Variants in IL1RAPL1 observed in about 807,000 individuals in gnomAD.
IL1RAPL1 encodes interleukin-1 receptor accessory protein-like 1.
Under a neutral mutation model 48.4 loss-of-function variants are expected in IL1RAPL1, and 3 were observed. That is an observed-to-expected ratio of 0.06 (90% CI 0.03 to 0.16). The LOEUF is 0.16. Ranked by LOEUF, IL1RAPL1 falls within the 10% of genes least tolerant of loss-of-function variation. IL1RAPL1 has a pLI of 1.00. For missense variants in IL1RAPL1, 349 were observed against 530.6 expected (o/e 0.66, Z 3.36); for synonymous variants, 185 against 187.7 (o/e 0.99, Z 0.12).
chrX:29,086,687 C>T (rs1405881707), intron 2 of IL1RAPL1, among the ~76,000 whole-genome samples: 1 of 112,085 alleles, frequency 8.9e-6, no homozygotes, highest in Non-Finnish European at 1.9e-5. Flanking sequence ...CACCTATTAA[C>T]AAGCTAATAA....
intron 2 of IL1RAPL1, among the ~76,000 whole-genome samples, chrX:28,805,744 A>G (rs1936723136): frequency 9.0e-6 from 1 of 111,235 alleles, no homozygotes; most frequent in Non-Finnish European, 1.9e-5. Flanking sequence ...TTCAAAAACA[A>G]TAAGAATATA....
chrX:29,593,017 C>T (rs1361883693), intron 5 of IL1RAPL1, among the ~76,000 whole-genome samples: 2 of 112,438 alleles, frequency 1.8e-5, no homozygotes, highest in South Asian at 3.7e-4. Context: ...AGGTGATCCA[C>T]GCTGCTTACA....
At chrX:28,803,696 T>A (rs371471044) in intron 2 of IL1RAPL1, among the ~76,000 whole-genome samples, 6 of 111,842 alleles carry the variant, frequency 5.4e-5, no homozygotes, top group East Asian at 5.6e-4. Context: ...ACAACTGTAC[T>A]TGATTACGTG....
chrX:29,799,040 T>C (rs903905380), intron 6 of IL1RAPL1, among the ~76,000 whole-genome samples: 2 of 112,108 alleles, frequency 1.8e-5, no homozygotes, highest in Non-Finnish European at 3.8e-5. Context: ...AAATTTGAAA[T>C]GTCAGGAAGG....
At chrX:29,947,478 T>C (rs1205664007) in intron 9 of IL1RAPL1, among the ~76,000 whole-genome samples, 4 of 111,371 alleles carry the variant, frequency 3.6e-5, no homozygotes, top group African/African-American at 1.3e-4. Flanking sequence ...TAGTCCTACG[T>C]TGGGAGTTAT....
intron 5 of IL1RAPL1, among the ~76,000 whole-genome samples, chrX:29,468,086 C>G (rs1002526227): frequency 3.2e-4 from 36 of 111,786 alleles, no homozygotes; most frequent in African/African-American, 1.0e-3. Flanking sequence ...GTCTCGAACT[C>G]CTGACCTCAA....
intron 5 of IL1RAPL1, among the ~76,000 whole-genome samples, chrX:29,519,870 C>T (rs1475968597): frequency 1.8e-5 from 2 of 111,697 alleles, no homozygotes; most frequent in East Asian, 2.8e-4. Flanking sequence ...TTCCCGGTTG[C>T]TCACAGCAGT....
intron 6 of IL1RAPL1, among the ~76,000 whole-genome samples, chrX:29,812,497 A>G (rs889536051): frequency 9.0e-5 from 10 of 111,318 alleles, no homozygotes; most frequent in African/African-American, 3.3e-4. Flanking sequence ...AGAACGGCTG[A>G]GAGTCTTATG....
At chrX:29,133,361 G>T (rs1009008948) in intron 2 of IL1RAPL1, among the ~76,000 whole-genome samples, 14 of 112,186 alleles carry the variant, frequency 1.2e-4, no homozygotes, top group African/African-American at 4.5e-4. Flanking sequence ...TTGCTTTCTT[G>T]CTCCAGATCA....
At chrX:29,167,884 C>T (rs755645879) in intron 2 of IL1RAPL1, among the ~76,000 whole-genome samples, 1 of 110,746 alleles carries the variant, frequency 9.0e-6, no homozygotes, top group Non-Finnish European at 1.9e-5. Flanking sequence ...AAATATCACA[C>T]TTCCCTCTAA....
chrX:29,489,737 A>G (rs186444184), intron 5 of IL1RAPL1, among the ~76,000 whole-genome samples: 67 of 111,923 alleles, frequency 6.0e-4, no homozygotes, highest in Non-Finnish European at 3.8e-5. Context: ...TCTGCCACCA[A>G]CATCTTATAG....
At chrX:29,165,298 A>G (rs1485728431) in intron 2 of IL1RAPL1, among the ~76,000 whole-genome samples, 1 of 111,905 alleles carries the variant, frequency 8.9e-6, no homozygotes, top group Admixed American at 9.5e-5. Context: ...CAACCTGGGC[A>G]GCAAGAGCAA....
intron 5 of IL1RAPL1, among the ~76,000 whole-genome samples, chrX:29,657,622 A>C (rs752738223): frequency 9.0e-6 from 1 of 111,710 alleles, no homozygotes; most frequent in Admixed American, 9.5e-5. Context: ...TGTGTTCCAA[A>C]ATTTTCTTTT....
intron 1 of IL1RAPL1, among the ~76,000 whole-genome samples, chrX:28,733,681 G>A (rs1935784477): frequency 9.0e-6 from 1 of 111,302 alleles, no homozygotes; most frequent in Non-Finnish European, 1.9e-5. Context: ...CTCGATGATG[G>A]AAGAAGCCAG....
At position 29,625,054 on chromosome X, in the gene IL1RAPL1, C is replaced by G. The variant is rs544733387; in HGVS notation, c.704-43376C>G. ...TCTACTATCTTCTGCCTTTGTAGCACAAAAGCAGTGATAGTCAATACTGAA... is the reference window on the plus strand; with the variant it reads ...TCTACTATCTTCTGCCTTTGTAGCAGAAAAGCAGTGATAGTCAATACTGAA... On this transcript the variant is annotated intron_variant, in intron 5 of 10. Coordinates refer to ENST00000378993, the MANE Select transcript of IL1RAPL1 (RefSeq NM_014271.4). 2.4e-3 allele frequency among the ~76,000 whole-genome samples: 264 copies of G among 111,545 alleles called. 1 individual carries two copies. Among genetic ancestry groups the G allele is most frequent in the African/African-American group, 8.1e-3 (250 of 30,736 alleles).
intron 1 of IL1RAPL1, among the ~76,000 whole-genome samples, chrX:28,636,959 A>G (rs1264159547): frequency 4.5e-5 from 5 of 111,468 alleles, no homozygotes; most frequent in African/African-American, 1.6e-4. Context: ...GAGACTAACA[A>G]TGTTTGCCGT....
chrX:29,950,237 G>T (rs1445430691), intron 9 of IL1RAPL1, among the ~76,000 whole-genome samples: 1 of 112,317 alleles, frequency 8.9e-6, no homozygotes, highest in Non-Finnish European at 1.9e-5. Context: ...TTTCATTTAA[G>T]ATTAATATGG....
At chrX:29,116,527 T>A (rs1340949570) in intron 2 of IL1RAPL1, among the ~76,000 whole-genome samples, 2 of 111,645 alleles carry the variant, frequency 1.8e-5, no homozygotes, top group African/African-American at 3.2e-5. Flanking sequence ...TGAACCAAGG[T>A]TACTGAAATA....
intron 6 of IL1RAPL1, among the ~76,000 whole-genome samples, chrX:29,882,274 C>T (rs1040924697): frequency 6.3e-5 from 7 of 111,511 alleles, no homozygotes; most frequent in African/African-American, 2.0e-4. Context: ...GCTAACATGA[C>T]GAGCTTCAGA....
Sources: gnomAD v4.1 joint callset for allele counts (sites outside exome capture counted in the v4.1 genomes callset) on GRCh38, gnomAD v4.1.1 for gene constraint, MANE v1.5 for transcripts, NCBI Gene and HGNC (gene_info 2026-07-23, HGNC 2026-07-21) for gene names.